The following VRK2 variants were observed in gnomAD, a reference collection of about 807,000 sequenced individuals.
VRK2 encodes the protein VRK serine/threonine kinase 2, also known as serine/threonine-protein kinase VRK2.
VRK2 carries 60 observed loss-of-function variants against 57.6 expected under a neutral mutation model. The ratio of observed to expected loss-of-function variants is 1.04; its 90% CI spans 0.85 to 1.29. The LOEUF is 1.29. Among genes scored for constraint, VRK2 ranks in the 50% most tolerant of loss-of-function variants. The pLI is 0.00. For synonymous variants in VRK2, 231 were observed against 199.2 expected, an observed-to-expected ratio of 1.16 and a Z score of -1.35; for missense variants, 705 against 588.1, an observed-to-expected ratio of 1.20 and a Z score of -2.06.
chr2:58,089,720 C>A lies in VRK2; in HGVS notation c.540C>A (p.Asp180Glu), dbSNP rs772179855. 6.3e-7 allele frequency: 1 copy of A among 1,599,964 alleles called. No individual in the cohort carries two copies. Among genetic ancestry groups the A allele is most frequent in the Non-Finnish European group, 8.5e-7 (1 of 1,170,044 alleles). Reference protein sequence around the residue: ...ANLLLGYKNPDQVYLADYGLS... With the variant: ...ANLLLGYKNPEQVYLADYGLS... ...TACTTTTGGGTTACAAAAATCCAGA[C>A]CAGGTAAATACATACTTTTGCTTTT... The change falls in exon 7 of 13, where the codon GAC becomes GAA. Residue 180 changes from aspartate (D) to glutamate (E), a missense_variant. Asp to Glu is a conservative substitution (Grantham distance 45). Coordinates refer to ENST00000340157, the MANE Select transcript of VRK2 (RefSeq NM_006296.7).
intron 1 of VRK2, among the ~76,000 whole-genome samples, chr2:58,013,558 CAG>C (rs1673476031): frequency 6.6e-6 from 1 of 152,058 alleles, no homozygotes; most frequent in Non-Finnish European, 1.5e-5. Flanking sequence ...TTTTAAAAAA[CAG>C]ATATGATTCT....
intron 2 of VRK2, among the ~76,000 whole-genome samples, chr2:58,063,241 GTT>G (rs780317845): frequency 1.4e-4 from 17 of 121,656 alleles, no homozygotes; most frequent in Non-Finnish European, 1.7e-4. Flanking sequence ...TCACAGTTTT[GTT>G]TTTTTTTTTT....
At chr2:58,011,579 A>T (rs1329690052) in intron 1 of VRK2, among the ~76,000 whole-genome samples, 1 of 152,104 alleles carries the variant, frequency 6.6e-6, no homozygotes, top group Non-Finnish European at 1.5e-5. Flanking sequence ...CTCTTTATGA[A>T]TTTTTTTCCT....
At chr2:57,964,898 A>C (rs1163220637) in intron 1 of VRK2, among the ~76,000 whole-genome samples, 4 of 151,352 alleles carry the variant, frequency 2.6e-5, no homozygotes, top group South Asian at 4.2e-4. Flanking sequence ...AAAAAAAAAA[A>C]AAAAAAAAAA....
intron 2 of VRK2, 97 bp downstream of exon 2, chr2:58,049,064 TG>T (rs1396668152): frequency 7.1e-7 from 1 of 1,407,880 alleles, no homozygotes; most frequent in African/African-American, 1.5e-5. Context: ...GGAATTCATA[TG>T]TGTACTTTAT....
intron 1 of VRK2, among the ~76,000 whole-genome samples, chr2:57,963,526 T>TA (rs1467679826): frequency 6.6e-6 from 1 of 152,146 alleles, no homozygotes; most frequent in Middle Eastern, 3.2e-3. Context: ...ATAGGATTTT[T>TA]AAAAAAAATT....
chr2:57,985,222 T>C lies in VRK2; in HGVS notation c.-438-40443T>C, dbSNP rs72947200. Among the ~76,000 whole-genome samples the C allele has an allele frequency of 1.6e-3, 241 of 152,178 alleles. 1 individual carries two copies. Among genetic ancestry groups the C allele is most frequent in the African/African-American group, 5.5e-3 (227 of 41,560 alleles). ...AATTCACTAATGCAATCATAAAGTCTAAAGGTTAATGAAATTTTTGTTAAG... is the reference window on the plus strand; with the variant it reads ...AATTCACTAATGCAATCATAAAGTCCAAAGGTTAATGAAATTTTTGTTAAG... On this transcript the variant is annotated intron_variant, in intron 1 of 15. Coordinates refer to the VRK2 transcript ENST00000417641.
At chr2:57,929,081 C>G (rs966886496) in intron 1 of VRK2, among the ~76,000 whole-genome samples, 6 of 152,200 alleles carry the variant, frequency 3.9e-5, no homozygotes, top group Admixed American at 3.9e-4. Context: ...TTGCTCAAAG[C>G]CCAAGAGCTC....
chr2:58,157,364 T>C (rs1015879300), intron 12 of VRK2, among the ~76,000 whole-genome samples: 6 of 152,258 alleles, frequency 3.9e-5, no homozygotes, highest in African/African-American at 1.4e-4. Context: ...TGAGCTGTTA[T>C]TTGTTGTGGG....
At chr2:57,965,698 A>T (rs899792959) in intron 1 of VRK2, among the ~76,000 whole-genome samples, 3 of 152,110 alleles carry the variant, frequency 2.0e-5, no homozygotes, top group African/African-American at 7.2e-5. Flanking sequence ...TATTAGACTA[A>T]CTTCATCCAT....
At chr2:57,939,348 C>A (rs1210780252) in intron 1 of VRK2, among the ~76,000 whole-genome samples, 2 of 152,022 alleles carry the variant, frequency 1.3e-5, no homozygotes, top group Non-Finnish European at 1.5e-5. Flanking sequence ...AAAATCAATT[C>A]TTGTTTTGTA....
At chr2:57,916,199 G>C (rs921334431) in intron 1 of VRK2, among the ~76,000 whole-genome samples, 2 of 152,060 alleles carry the variant, frequency 1.3e-5, no homozygotes, top group African/African-American at 4.8e-5. Flanking sequence ...TTGAGGTCAG[G>C]AGTTCGAGAC....
chr2:58,117,511 G>C (rs374794488), intron 7 of VRK2, among the ~76,000 whole-genome samples: 2 of 151,540 alleles, frequency 1.3e-5, no homozygotes, highest in African/African-American at 4.9e-5. Flanking sequence ...AAGACTCAGC[G>C]ACGCTTGGGG....
At chr2:58,119,243 A>G (rs1222227375) in intron 7 of VRK2, among the ~76,000 whole-genome samples, 1 of 151,926 alleles carries the variant, frequency 6.6e-6, no homozygotes, top group Non-Finnish European at 1.5e-5. Flanking sequence ...CACGCCTGTA[A>G]TCCCAGCACT....
chr2:58,071,983 A>G (rs570458330), intron 2 of VRK2, among the ~76,000 whole-genome samples: 3 of 151,992 alleles, frequency 2.0e-5, no homozygotes, highest in East Asian at 3.9e-4. Flanking sequence ...CCTCATTTGT[A>G]TGTATTTTGT....
intron 1 of VRK2, among the ~76,000 whole-genome samples, chr2:57,937,019 T>A (rs1300394261): frequency 1.3e-5 from 2 of 152,204 alleles, no homozygotes; most frequent in East Asian, 3.9e-4. Context: ...TAGTTCTTTC[T>A]TCCAGGCAAG....
At chr2:57,976,907 GA>G (rs1273064674) in intron 1 of VRK2, among the ~76,000 whole-genome samples, 2 of 152,108 alleles carry the variant, frequency 1.3e-5, no homozygotes, top group African/African-American at 4.8e-5. Flanking sequence ...TATGGTGAAA[GA>G]AAGGGAATCA....
intron 1 of VRK2, among the ~76,000 whole-genome samples, chr2:57,933,665 T>TG (rs1012354928): frequency 2.7e-5 from 4 of 150,920 alleles, no homozygotes; most frequent in African/African-American, 7.3e-5. Context: ...TTTGGGTTGT[T>TG]TTTTTTTTCT....
intron 1 of VRK2, among the ~76,000 whole-genome samples, chr2:57,917,399 A>C (rs1670192294): frequency 6.6e-6 from 1 of 151,812 alleles, no homozygotes; most frequent in African/African-American, 2.4e-5. Context: ...AGTCTTTCAT[A>C]GAGTGACCTG....
Sources: gnomAD v4.1 joint callset for allele counts (sites outside exome capture counted in the v4.1 genomes callset) on GRCh38, gnomAD v4.1.1 for gene constraint, MANE v1.5 for transcripts, NCBI Gene and HGNC (gene_info 2026-07-23, HGNC 2026-07-21) for gene names.